Variants in PCSK6 observed in about 807,000 individuals in gnomAD.
PCSK6 encodes proprotein convertase subtilisin/kexin type 6.
A neutral mutation model predicts 123.3 loss-of-function variants in PCSK6; 85 were observed. The ratio of observed to expected loss-of-function variants is 0.69; its 90% CI spans 0.58 to 0.83. The LOEUF is 0.83. Among genes scored for constraint, PCSK6 ranks in the 40% least tolerant of loss-of-function variants. The pLI is 0.00. For missense variants in PCSK6, 1,191 were observed against 1,282.3 expected (o/e 0.93, Z 1.09); for synonymous variants, 508 against 516.0 (o/e 0.98, Z 0.21).
intron 13 of PCSK6, among the ~76,000 whole-genome samples, chr15:101,348,037 G>C (rs2040782540): frequency 6.6e-6 from 1 of 152,214 alleles, no homozygotes; most frequent in Non-Finnish European, 1.5e-5. Flanking sequence ...CTTTCCTTGG[G>C]TAAACCTTCC....
Position 101,324,906 on chromosome 15 carries a change from T to C in PCSK6, c.2321A>G (p.His774Arg), listed in dbSNP as rs2040212668. 3 of 1,613,658 alleles carry C rather than the reference T, an allele frequency of 1.9e-6. No homozygotes were observed. The highest frequency in any genetic ancestry group is 4.5e-5 in the East Asian group (2 of 44,874). ...GGTCACACAGGTGTTCATCTCCTGG[T>C]GGTGATAGAACCCGCGGCGGCAAGA... Reference protein sequence around the residue: ...CLSCRRGFYHHQEMNTCVTLC... With the variant: ...CLSCRRGFYHRQEMNTCVTLC... Residue 774 changes from histidine to arginine, a missense_variant, in exon 17 of 22, where the codon CAC (histidine) becomes CGC (arginine). Around this residue, in one of 3 missense-constraint regions of PCSK6, gnomAD observed 630 missense variants for 631.4 expected, o/e 1.00. Coordinates refer to ENST00000611716, the MANE Select transcript of PCSK6 (RefSeq NM_002570.5).
intron 15 of PCSK6, among the ~76,000 whole-genome samples, chr15:101,329,205 T>G (rs1263005929): frequency 3.9e-5 from 6 of 152,210 alleles, no homozygotes; most frequent in Admixed American, 6.5e-5. Flanking sequence ...CCTTCAATCC[T>G]TTGTGGAGGA....
At chr15:101,306,887 G>A (rs967729549) in intron 21 of PCSK6, among the ~76,000 whole-genome samples, 4 of 152,242 alleles carry the variant, frequency 2.6e-5, no homozygotes, top group East Asian at 3.9e-4. Flanking sequence ...ATGGTATGTC[G>A]TCACATCCGG....
chr15:101,370,525 TGGG>T lies in PCSK6; in HGVS notation c.1533-5_1533-3del. 2 of 1,472,566 alleles carry T rather than the reference TGGG, an allele frequency of 1.4e-6. No homozygotes were observed. Among genetic ancestry groups the T allele is most frequent in the Non-Finnish European group, 1.8e-6 (2 of 1,103,368 alleles). The allele number at this position is 1,472,566 out of a possible 1,614,324, so 91.2% of individuals were successfully genotyped here. A position where few individuals can be genotyped will look rare whatever the true frequency, so the allele number is the denominator to read the frequency against. ...AGCACCTGCACTAAGGGGATGCTCCTGGGGGAGAAGGGAGGGCTCAGCACTTGG... is the reference window on the plus strand; with the variant it reads ...AGCACCTGCACTAAGGGGATGCTCCTGGAGAAGGGAGGGCTCAGCACTTGG... On this transcript the variant is annotated splice_region_variant and splice_polypyrimidine_tract_variant and intron_variant, in intron 11 of 21. Transcript: ENST00000611716.
At chr15:101,362,210 C>T (rs770835847) in intron 13 of PCSK6, among the ~76,000 whole-genome samples, 1 of 152,158 alleles carries the variant, frequency 6.6e-6, no homozygotes, top group Non-Finnish European at 1.5e-5. Flanking sequence ...CCCGCCTCGG[C>T]CTCCCAAAGT....
intron 1 of PCSK6, among the ~76,000 whole-genome samples, chr15:101,485,753 C>T (rs185584199): frequency 1.3e-5 from 2 of 152,286 alleles, no homozygotes; most frequent in East Asian, 3.9e-4. Context: ...TCCCCTCCTC[C>T]TCTTCTTTCC....
intron 20 of PCSK6, among the ~76,000 whole-genome samples, chr15:101,311,608 C>T (rs1007807007): frequency 7.2e-5 from 11 of 151,984 alleles, no homozygotes; most frequent in Admixed American, 2.0e-4. Context: ...CTTTTTAGCA[C>T]TGTGAAAGCA....
At chr15:101,409,493 G>A (rs1309970649) in intron 6 of PCSK6, among the ~76,000 whole-genome samples, 3 of 151,198 alleles carry the variant, frequency 2.0e-5, no homozygotes, top group East Asian at 2.0e-4. Context: ...GCTGAGGCAG[G>A]AGAATGGCGT....
rs374225282 is a variant in PCSK6 at position 101,369,258 on chromosome 15, G to A, written c.1721+1077C>T. ...GCCCTGTCTACCTTGCATTGCTGCTGAGTCAATTACCCTGTCTCATACAAA... is the reference window on the plus strand; with the variant it reads ...GCCCTGTCTACCTTGCATTGCTGCTAAGTCAATTACCCTGTCTCATACAAA... On this transcript the variant is annotated intron_variant, in intron 12 of 21. Coordinates refer to ENST00000611716, the MANE Select transcript of PCSK6 (RefSeq NM_002570.5). Among the ~76,000 whole-genome samples the A allele has an allele frequency of 5.3e-5, 8 of 152,366 alleles. No individual in the cohort carries two copies. In the East Asian group the frequency reaches 1.4e-3, roughly 26 times the overall value.
At chr15:101,419,379 G>C (rs2056002171) in intron 6 of PCSK6, among the ~76,000 whole-genome samples, 1 of 152,054 alleles carries the variant, frequency 6.6e-6, no homozygotes, top group Admixed American at 6.5e-5. Flanking sequence ...AATCGATATG[G>C]AGAAAGTGAT....
chr15:101,342,868 C>G (rs529664617), intron 13 of PCSK6, among the ~76,000 whole-genome samples: 6 of 152,002 alleles, frequency 3.9e-5, no homozygotes, highest in Admixed American at 3.9e-4. Flanking sequence ...CACCACTGCA[C>G]TCCAGCCTGG....
chr15:101,447,890 C>T (rs964781318), intron 1 of PCSK6, among the ~76,000 whole-genome samples: 1 of 152,188 alleles, frequency 6.6e-6, no homozygotes, highest in Admixed American at 6.5e-5. Flanking sequence ...CACGGACTGC[C>T]GCTATCGGAG....
intron 1 of PCSK6, among the ~76,000 whole-genome samples, chr15:101,460,117 G>C (rs760409798): frequency 3.3e-5 from 5 of 151,880 alleles, no homozygotes; most frequent in Non-Finnish European, 7.4e-5. Flanking sequence ...CCGTCACACA[G>C]GTCCCTCTCC....
chr15:101,485,958 T>A (rs997565713), intron 1 of PCSK6, among the ~76,000 whole-genome samples: 1 of 78,938 alleles, frequency 1.3e-5, no homozygotes, highest in African/African-American at 5.0e-5. Context: ...TTTATTTAAA[T>A]TTTTTTTTTT....
At chr15:101,371,051 A>G (rs2041570966) in intron 11 of PCSK6, among the ~76,000 whole-genome samples, 2 of 152,322 alleles carry the variant, frequency 1.3e-5, no homozygotes, top group South Asian at 4.1e-4. Context: ...TACTAAAAAT[A>G]CAAAAATTAG....
chr15:101,423,174 T>C (rs1284838620), intron 6 of PCSK6, among the ~76,000 whole-genome samples: 1 of 151,926 alleles, frequency 6.6e-6, no homozygotes, highest in Non-Finnish European at 1.5e-5. Flanking sequence ...ATATCATGAC[T>C]GAAGAGATGG....
chr15:101,400,091 C>T (rs558879419), intron 6 of PCSK6, among the ~76,000 whole-genome samples: 43 of 152,290 alleles, frequency 2.8e-4, no homozygotes, highest in Non-Finnish European at 5.0e-4. Flanking sequence ...TGACACAGAT[C>T]ATAGCTCACT....
Position 101,376,464 on chromosome 15 carries a change from C to G in PCSK6, c.1532+5628G>C, listed in dbSNP as rs1253341271. Reference sequence around the variant, plus strand: ...GAACCAATGATCTATGTTAAATAAGCTGTCTTTAAACCCATACACATAAAG... The same window carrying G: ...GAACCAATGATCTATGTTAAATAAGGTGTCTTTAAACCCATACACATAAAG... On this transcript the variant is annotated intron_variant, in intron 11 of 21. Coordinates refer to ENST00000611716, the MANE Select transcript of PCSK6 (RefSeq NM_002570.5). Among the ~76,000 whole-genome samples, 2 of 152,196 alleles carry G rather than the reference C, an allele frequency of 1.3e-5. 1 individual carries two copies.
chr15:101,417,858 C>T (rs370386998), intron 6 of PCSK6, among the ~76,000 whole-genome samples: 4 of 149,538 alleles, frequency 2.7e-5, no homozygotes, highest in African/African-American at 7.4e-5. Context: ...TTTATTTTTA[C>T]GTACACTATT....
Sources: gnomAD v4.1 joint callset for allele counts (sites outside exome capture counted in the v4.1 genomes callset) on GRCh38, gnomAD v4.1.1 for gene constraint, gnomAD v4.1.1 regional missense constraint, MANE v1.5 for transcripts, NCBI Gene and HGNC (gene_info 2026-07-23, HGNC 2026-07-21) for gene names.